Variants in ENTREP2 observed in about 807,000 individuals in gnomAD.
ENTREP2 encodes protein ENTREP2.
the ENTREP2 span, among the ~76,000 whole-genome samples, chr15:29,620,726 A>G: frequency 2.0e-5 from 3 of 152,102 alleles, no homozygotes; most frequent in Non-Finnish European, 4.4e-5. Context: ...AGTGGGAAGA[A>G]GGAGTTCATG....
the ENTREP2 span, among the ~76,000 whole-genome samples, chr15:29,416,119 C>T: frequency 6.6e-6 from 1 of 152,180 alleles, no homozygotes; most frequent in Non-Finnish European, 1.5e-5. Flanking sequence ...CTACCAATGG[C>T]TTTCTTCACA....
chr15:29,582,338 T>A, the ENTREP2 span, among the ~76,000 whole-genome samples: 1 of 151,732 alleles, frequency 6.6e-6, no homozygotes, highest in African/African-American at 2.4e-5. Context: ...CGGACTTACA[T>A]GTAAAACAGA....
chr15:29,600,936 T>C, the ENTREP2 span, among the ~76,000 whole-genome samples: 1 of 142,334 alleles, frequency 7.0e-6, no homozygotes, highest in African/African-American at 2.8e-5. Flanking sequence ...CTCGCTCTTT[T>C]GCCCAGGCTG....
the ENTREP2 span, chr15:29,120,775 T>G: frequency 6.6e-6 from 1 of 152,182 alleles, no homozygotes; most frequent in Non-Finnish European, 1.5e-5. Flanking sequence ...GAAAGACGCA[T>G]AGGGAGGGGA....
the ENTREP2 span, among the ~76,000 whole-genome samples, chr15:29,518,479 T>C: frequency 9.2e-5 from 14 of 152,026 alleles, no homozygotes; most frequent in Admixed American, 4.6e-4. Flanking sequence ...GCACCTCCTA[T>C]AGAAACACAA....
the ENTREP2 span, among the ~76,000 whole-genome samples, chr15:29,294,742 A>T: frequency 6.6e-6 from 1 of 152,234 alleles, no homozygotes; most frequent in Non-Finnish European, 1.5e-5. Context: ...GTTGACAGAA[A>T]ATATTGTGCT....
chr15:29,128,757 C>A, the ENTREP2 span: 1 of 1,506,822 alleles, frequency 6.6e-7, no homozygotes, highest in Non-Finnish European at 9.0e-7. Context: ...ACAGGAACAC[C>A]CCACTTCAGG....
At chr15:29,281,298 A>G in the ENTREP2 span, among the ~76,000 whole-genome samples, 1 of 152,210 alleles carries the variant, frequency 6.6e-6, no homozygotes, top group Non-Finnish European at 1.5e-5. Flanking sequence ...GATATTTTCT[A>G]AATGTATAAA....
At chr15:29,530,927 T>C in the ENTREP2 span, among the ~76,000 whole-genome samples, 4 of 152,162 alleles carry the variant, frequency 2.6e-5, no homozygotes, top group Non-Finnish European at 5.9e-5. Context: ...GCCCTGTCCT[T>C]GATCTCGATC....
the ENTREP2 span, among the ~76,000 whole-genome samples, chr15:29,172,649 C>A: frequency 6.6e-6 from 1 of 152,076 alleles, no homozygotes; most frequent in African/African-American, 2.4e-5. Context: ...CTTCATAATG[C>A]CCTTGATTCT....
the ENTREP2 span, among the ~76,000 whole-genome samples, chr15:29,418,017 C>A: frequency 6.6e-6 from 1 of 152,128 alleles, no homozygotes; most frequent in Non-Finnish European, 1.5e-5. Flanking sequence ...CCATTTAGAA[C>A]ATTTTAGAAT....
the ENTREP2 span, among the ~76,000 whole-genome samples, chr15:29,418,046 T>C: frequency 6.6e-6 from 1 of 152,216 alleles, no homozygotes. Context: ...AGGTCATTTG[T>C]TCAGAATTTA....
At chr15:29,461,307 T>C in the ENTREP2 span, among the ~76,000 whole-genome samples, 7 of 152,162 alleles carry the variant, frequency 4.6e-5, no homozygotes, top group African/African-American at 1.7e-4. Flanking sequence ...TCTAAAACAA[T>C]GCTTATATCA....
chr15:29,648,971 G>C, the ENTREP2 span, among the ~76,000 whole-genome samples: 1 of 151,126 alleles, frequency 6.6e-6, no homozygotes, highest in South Asian at 2.1e-4. Context: ...AACTGTACTA[G>C]ATGATAACCT....
chr15:29,556,681 T>C, the ENTREP2 span, among the ~76,000 whole-genome samples: 5 of 152,146 alleles, frequency 3.3e-5, no homozygotes, highest in African/African-American at 1.2e-4. Flanking sequence ...CAAATCTCGC[T>C]GTCTCCATCA....
the ENTREP2 span, among the ~76,000 whole-genome samples, chr15:29,435,220 G>A: frequency 2.6e-5 from 4 of 152,080 alleles, no homozygotes; most frequent in Non-Finnish European, 5.9e-5. Context: ...GTGTTTTTAA[G>A]ACAGCAAGAA....
the ENTREP2 span, among the ~76,000 whole-genome samples, chr15:29,593,819 T>A: frequency 6.6e-6 from 1 of 151,844 alleles, no homozygotes; most frequent in African/African-American, 2.4e-5. Context: ...GTGTGGTGAG[T>A]GTGGCTTGCA....
chr15:29,599,282 C>T, the ENTREP2 span, among the ~76,000 whole-genome samples: 1 of 152,186 alleles, frequency 6.6e-6, no homozygotes, highest in Non-Finnish European at 1.5e-5. Context: ...TACTTGAAGG[C>T]TGTATTGACC....
the ENTREP2 span, chr15:29,235,049 TG>T: frequency 2.6e-6 from 3 of 1,151,282 alleles, no homozygotes; most frequent in African/African-American, 3.0e-5. Flanking sequence ...TCCCAGGTAG[TG>T]GCCCCACAGC....
Sources: gnomAD v4.1 joint callset for allele counts (sites outside exome capture counted in the v4.1 genomes callset) on GRCh38, gnomAD v4.1.1 for gene constraint, MANE v1.5 for transcripts, NCBI Gene and HGNC (gene_info 2026-07-23, HGNC 2026-07-21) for gene names.